The following UBE2E1 variants were observed in gnomAD, a reference collection of about 807,000 sequenced individuals.
UBE2E1 encodes the protein ubiquitin conjugating enzyme E2 E1.
UBE2E1 carries 6 observed loss-of-function variants against 21.4 expected under a neutral mutation model. That is an observed-to-expected ratio of 0.28 (90% CI 0.15 to 0.55). UBE2E1 has a LOEUF of 0.55. UBE2E1 is among the 20% of genes least tolerant of loss of function. The pLI is 0.93. For synonymous variants in UBE2E1, 87 were observed against 82.7 expected, an observed-to-expected ratio of 1.05 and a Z score of -0.28; for missense variants, 142 against 236.5, an observed-to-expected ratio of 0.60 and a Z score of 2.62.
chr3:23,819,297 A>G (rs1477698043), intron 3 of UBE2E1, among the ~76,000 whole-genome samples: 1 of 152,130 alleles, frequency 6.6e-6, no homozygotes, highest in Non-Finnish European at 1.5e-5. Context: ...ATAAATAAAT[A>G]AATAAATAAA....
rs1575793419 is a variant in UBE2E1, at chr3:23,806,402, T to G, written c.-34+314T>G. Among the ~76,000 whole-genome samples, 16 of 129,880 alleles carry G rather than the reference T, an allele frequency of 1.2e-4. No individual in the cohort carries two copies. Among genetic ancestry groups the G allele is most frequent in the South Asian group, 5.3e-4 (2 of 3,740 alleles). The allele number at this position is 129,880 out of a possible 152,430, so 85.2% of individuals were successfully genotyped here. ...CCACCGAGGGGCCCGGGAGCGGGGG[T>G]GGGAGGGAGTTGGGGGAGCCCCGTT... On this transcript the variant is annotated intron_variant, in intron 1 of 5. Coordinates refer to ENST00000306627, the MANE Select transcript of UBE2E1 (RefSeq NM_003341.5). The surrounding 1 kb of genome is among the most constrained non-coding windows in gnomAD (Gnocchi z 6.5).
chr3:23,844,900 A>T (rs920619244), intron 3 of UBE2E1, among the ~76,000 whole-genome samples: 1 of 152,114 alleles, frequency 6.6e-6, no homozygotes. Flanking sequence ...GCTGACTTGG[A>T]GCACCCAGAG....
At chr3:23,838,914 T>A (rs1700026404) in intron 3 of UBE2E1, among the ~76,000 whole-genome samples, 1 of 151,744 alleles carries the variant, frequency 6.6e-6, no homozygotes, top group Non-Finnish European at 1.5e-5. Context: ...AATTAATTTC[T>A]CTTCTGTATT....
At position 23,870,308 on chromosome 3, in the gene UBE2E1, G is replaced by A. The variant is rs1037043573; in HGVS notation, c.204-17259G>A. 6.6e-6 allele frequency among the ~76,000 whole-genome samples: 1 copy of A among 152,166 alleles called. No homozygotes were observed. Among genetic ancestry groups the A allele is most frequent in the Non-Finnish European group, 1.5e-5 (1 of 68,022 alleles). Reference sequence around the variant, plus strand: ...TTTTTTAAAAAAAGGAGCCAGTTGTGAAGTCACACTTATATCACTTTAGAC... The same window carrying A: ...TTTTTTAAAAAAAGGAGCCAGTTGTAAAGTCACACTTATATCACTTTAGAC... On this transcript the variant is annotated intron_variant, in intron 3 of 5. Transcript: ENST00000306627. This position sits in a 1 kb window ranked among gnomAD's most constrained non-coding sequence, Gnocchi z 4.2.
rs1450293287 is a variant in UBE2E1 at position 23,810,084 on chromosome 3, C to A, written c.153-1376C>A. Among the ~76,000 whole-genome samples, 1 of 152,204 alleles carries A rather than the reference C, an allele frequency of 6.6e-6. No individual in the cohort carries two copies. The highest frequency in any genetic ancestry group is 2.4e-5 in the African/African-American group (1 of 41,460). ...ACATATAGCTCGTCCGTCCTCCTAC[C>A]CGCAGAAAACCTTTGGAAAGGAAAA... On this transcript the variant is annotated intron_variant, in intron 2 of 5. Transcript: ENST00000306627. This position sits in a 1 kb window ranked among gnomAD's most constrained non-coding sequence, Gnocchi z 5.8.
In UBE2E1 at chr3:23,836,753, A is replaced by G. The variant is rs1479042571; in HGVS notation, c.203+25243A>G. Reference sequence around the variant, plus strand: ...GATTCTTAACCATTGTACACTCTCTACCGTGTCCCTCAGGGGCATGTGAAA... The same window carrying G: ...GATTCTTAACCATTGTACACTCTCTGCCGTGTCCCTCAGGGGCATGTGAAA... On this transcript the variant is annotated intron_variant, in intron 3 of 5. Transcript: ENST00000306627. This position sits in a 1 kb window ranked among gnomAD's most constrained non-coding sequence, Gnocchi z 4.1. Among the ~76,000 whole-genome samples, 1 of 152,178 alleles carries G rather than the reference A, an allele frequency of 6.6e-6. No individual in the cohort carries two copies. Among genetic ancestry groups the G allele is most frequent in the African/African-American group, 2.4e-5 (1 of 41,432 alleles).
chr3:23,822,815 T>C (rs1020234218), intron 3 of UBE2E1, among the ~76,000 whole-genome samples: 1 of 151,476 alleles, frequency 6.6e-6, no homozygotes. Flanking sequence ...TTAATGTTTT[T>C]CATCCCCTCC....
rs1200754467 is a variant in UBE2E1, at chr3:23,891,178, AG to A, written c.*573del. On this transcript the variant is annotated 3_prime_UTR_variant, in exon 6 of 6. Transcript: ENST00000306627. Reference sequence around the variant, plus strand: ...TGAATCAGGACTTGTGAAAACCTGTAGTGAAATACCTTAAGCTGTTAACTAA... The same window carrying A: ...TGAATCAGGACTTGTGAAAACCTGTATGAAATACCTTAAGCTGTTAACTAA... 1 of 152,546 alleles carries A rather than the reference AG, an allele frequency of 6.6e-6. No homozygotes were observed. Among genetic ancestry groups the A allele is most frequent in the African/African-American group, 2.4e-5 (1 of 41,462 alleles). 9.4% of individuals were successfully genotyped at this position (152,546 alleles called of 1,614,324 possible). A position where few individuals can be genotyped will look rare whatever the true frequency, so the allele number is the denominator to read the frequency against.
At chr3:23,882,726 G>A (rs1457473035) in intron 3 of UBE2E1, among the ~76,000 whole-genome samples, 2 of 152,234 alleles carry the variant, frequency 1.3e-5, no homozygotes, top group African/African-American at 2.4e-5. Context: ...CCTGTTGCTG[G>A]CAGGCTGGCA....
chr3:23,853,234 T>G lies in UBE2E1; in HGVS notation c.204-34333T>G, dbSNP rs1700364497. ...TTGCTGTAATTCACCTGGCTACAAC[T>G]TCCAGTAAAATATTGAATAGAAGTA... On this transcript the variant is annotated intron_variant, in intron 3 of 5. Coordinates refer to ENST00000306627, the MANE Select transcript of UBE2E1 (RefSeq NM_003341.5). The surrounding 1 kb of genome is among the most constrained non-coding windows in gnomAD (Gnocchi z 4.1). 6.6e-6 allele frequency among the ~76,000 whole-genome samples: 1 copy of G among 152,232 alleles called. No individual in the cohort carries two copies. The highest frequency in any genetic ancestry group is 2.4e-5 in the African/African-American group (1 of 41,464).
intron 3 of UBE2E1, among the ~76,000 whole-genome samples, chr3:23,858,849 C>G (rs1403244674): frequency 6.6e-6 from 1 of 152,140 alleles, no homozygotes; most frequent in African/African-American, 2.4e-5. Context: ...TATCTGCTTA[C>G]ATGTGAGGGA....
chr3:23,832,265 G>A (rs1699883489), intron 3 of UBE2E1, among the ~76,000 whole-genome samples: 1 of 152,200 alleles, frequency 6.6e-6, no homozygotes, highest in Admixed American at 6.5e-5. Context: ...ACAAATAGTT[G>A]ACCTGTTGGA....
chr3:23,831,533 T>TTTTTC (rs1553636717), intron 3 of UBE2E1, among the ~76,000 whole-genome samples: 6 of 150,836 alleles, frequency 4.0e-5, no homozygotes, highest in Non-Finnish European at 7.4e-5. Context: ...TTTTTTTTTT[T>TTTTTC]CGAGACATGG....
At chr3:23,857,984 G>A (rs1700476520) in intron 3 of UBE2E1, among the ~76,000 whole-genome samples, 1 of 152,040 alleles carries the variant, frequency 6.6e-6, no homozygotes, top group African/African-American at 2.4e-5. Flanking sequence ...ACCGTGCCTG[G>A]CTAATTTTTG....
chr3:23,847,488 A>ATTTTTTTTTTT (rs71057627), intron 3 of UBE2E1, among the ~76,000 whole-genome samples: 1 of 96,130 alleles, frequency 1.0e-5, no homozygotes, highest in Non-Finnish European at 2.0e-5. Flanking sequence ...TGTACTTTAA[A>ATTTTTTTTTTT]TTTTTTTTTT....
chr3:23,863,933 C>T lies in UBE2E1; in HGVS notation c.204-23634C>T, dbSNP rs1301921637. ...CTGTTTATAGCTGTCATACCGGATT[C>T]TCGTGTCACTGTCTTTTGGGGAATT... On this transcript the variant is annotated intron_variant, in intron 3 of 5. Coordinates refer to ENST00000306627, the MANE Select transcript of UBE2E1 (RefSeq NM_003341.5). The surrounding 1 kb of genome is among the most constrained non-coding windows in gnomAD (Gnocchi z 4.3). 6.6e-6 allele frequency among the ~76,000 whole-genome samples: 1 copy of T among 152,214 alleles called. No individual in the cohort carries two copies. Among genetic ancestry groups the T allele is most frequent in the African/African-American group, 2.4e-5 (1 of 41,462 alleles).
rs776854918 is a variant in UBE2E1 at position 23,890,591 on chromosome 3, G to A, written c.567G>A (p.Lys189=). 9 of 1,613,032 alleles carry A rather than the reference G, an allele frequency of 5.6e-6. No individual in the cohort carries two copies. Among genetic ancestry groups the A allele is most frequent in the African/African-American group, 1.3e-5 (1 of 74,982 alleles). ...EHDRMARQWT[K]RYAT ...ACAGAATGGCCAGACAGTGGACCAA[G>A]AGATACGCTACATAAATTGGGGTTT... is the stretch of plus-strand genomic sequence containing the variant. The change falls in exon 6 of 6, where the codon AAG becomes AAA. Residue 189 remains lysine (K), a synonymous_variant. Coordinates refer to ENST00000306627, the MANE Select transcript of UBE2E1 (RefSeq NM_003341.5).
intron 3 of UBE2E1, among the ~76,000 whole-genome samples, chr3:23,884,094 C>T (rs1375255186): frequency 6.6e-6 from 1 of 152,038 alleles, no homozygotes; most frequent in African/African-American, 2.4e-5. Flanking sequence ...TGTTATATTG[C>T]ACCTTTATTC....
chr3:23,879,048 C>T, intron 3 of UBE2E1: 1 of 503,604 alleles, frequency 2.0e-6, no homozygotes, highest in Non-Finnish European at 4.0e-6. Context: ...GCTCAGTTCA[C>T]CCCTTGCCAA....
Sources: allele counts gnomAD v4.1 joint callset (sites outside exome capture counted in the v4.1 genomes callset), GRCh38; gene constraint gnomAD v4.1.1; non-coding constraint Gnocchi (gnomAD v3.1); transcripts MANE v1.5; gene names NCBI Gene and HGNC (gene_info 2026-07-23, HGNC 2026-07-21).